The following ZNF407 variants were observed in gnomAD, a reference collection of about 807,000 sequenced individuals.
ZNF407 encodes the protein zinc finger protein 407.
In ZNF407, 17 loss-of-function variants were observed where a neutral mutation model predicts 131.2. The observed-to-expected ratio is 0.13, with a 90% CI of 0.09 to 0.19. The LOEUF is 0.19. ZNF407 is among the 10% of genes least tolerant of loss of function. ZNF407 has a pLI of 1.00. For synonymous variants in ZNF407, 1,156 were observed against 1,062.0 expected (o/e 1.09, Z -1.72); for missense variants, 2,681 against 2,830.6 (o/e 0.95, Z 1.20).
chr18:75,060,667 G>C (rs1021339837), intron 8 of ZNF407, among the ~76,000 whole-genome samples: 1 of 151,830 alleles, frequency 6.6e-6, no homozygotes, highest in Non-Finnish European at 1.5e-5. Context: ...CACCGCGCCC[G>C]GCTAATTTTT....
chr18:74,825,286 C>T (rs1970394713), intron 4 of ZNF407, among the ~76,000 whole-genome samples: 2 of 152,152 alleles, frequency 1.3e-5, no homozygotes, highest in South Asian at 2.1e-4. Flanking sequence ...CGGCACCAGA[C>T]AAGGATGCCC....
chr18:74,905,633 A>G (rs186922566), intron 7 of ZNF407: 4 of 152,372 alleles, frequency 2.6e-5, no homozygotes, highest in Admixed American at 2.6e-4. Context: ...ATCGCATAAT[A>G]AACATGAACA....
chr18:75,043,077 G>A (rs1265626325), intron 8 of ZNF407, among the ~76,000 whole-genome samples: 5 of 152,188 alleles, frequency 3.3e-5, no homozygotes, highest in African/African-American at 1.2e-4. Flanking sequence ...GATGTGGTGA[G>A]AAATTGCCAA....
At chr18:74,834,463 A>G (rs1970528232) in intron 4 of ZNF407, among the ~76,000 whole-genome samples, 1 of 152,210 alleles carries the variant, frequency 6.6e-6, no homozygotes, top group Non-Finnish European at 1.5e-5. Context: ...CATCTTTGAG[A>G]GTCTCTGTCA....
chr18:74,781,463 A>G lies in ZNF407; in HGVS notation c.4838A>G (p.His1613Arg). ...GTAATGAAGAAGCACTTAAATACTCATCTACTAGGCAAGCATGGAGTTGGC... is the reference window on the plus strand; with the variant it reads ...GTAATGAAGAAGCACTTAAATACTCGTCTACTAGGCAAGCATGGAGTTGGC... ...AFVMKKHLNT[H>R]LLGKHGVGTP... Residue 1613 changes from histidine (H) to arginine (R), a missense_variant, in exon 4 of 9, where the codon CAT becomes CGT. This residue lies in a region of ZNF407 where 213 missense variants were observed against 332.2 expected (regional missense o/e 0.64). Transcript: ENST00000299687. 6.5e-7 allele frequency: 1 copy of G among 1,545,540 alleles called. No individual in the cohort carries two copies. Among genetic ancestry groups the G allele is most frequent in the South Asian group, 1.2e-5 (1 of 80,546 alleles).
chr18:74,835,541 C>T (rs1323855637), intron 4 of ZNF407, among the ~76,000 whole-genome samples: 1 of 151,608 alleles, frequency 6.6e-6, no homozygotes, highest in Non-Finnish European at 1.5e-5. Flanking sequence ...GCTTTTAAGT[C>T]TAGGATTTTA....
Position 75,063,476 on chromosome 18 carries a change from G to C in ZNF407, c.5755G>C (p.Ala1919Pro). ...GQVIATSQSG[A>P]HVGSVVPGPI... ...GGTCATCGCCACGAGTCAGAGCGGG[G>C]CACATGTAGGCAGCGTGGTGCCCGG... Residue 1919 changes from alanine to proline, a missense_variant, in exon 9 of 9, where the codon GCA becomes CCA. By Grantham distance (27) the Ala-to-Pro change is conservative. Coordinates refer to ENST00000299687, the MANE Select transcript of ZNF407 (RefSeq NM_017757.3). This position sits in a 1 kb window ranked among gnomAD's most constrained non-coding sequence, Gnocchi z 6.6. 2 of 1,601,834 alleles carry C rather than the reference G, an allele frequency of 1.2e-6. 1 individual carries two copies. The highest frequency in any genetic ancestry group is 2.2e-5 in the South Asian group (2 of 89,394).
chr18:74,717,966 A>T (rs7234872), intron 3 of ZNF407, among the ~76,000 whole-genome samples: 12,640 of 152,170 alleles, frequency 0.083, 700 homozygotes, highest in African/African-American at 0.16. Context: ...CATCTGTTAA[A>T]TTTTATTTTA....
At chr18:74,872,482 T>C (rs1971100887) in intron 4 of ZNF407, among the ~76,000 whole-genome samples, 1 of 152,000 alleles carries the variant, frequency 6.6e-6, no homozygotes, top group African/African-American at 2.4e-5. Context: ...GGGAGATATT[T>C]TTTGGGCACG....
rs550144406 is a variant in ZNF407 at position 74,705,246 on chromosome 18, A to C, written c.4802+64124A>C. Among the ~76,000 whole-genome samples, 33 of 151,746 alleles carry C rather than the reference A, an allele frequency of 2.2e-4. 1 individual carries two copies. The highest frequency in any genetic ancestry group is 7.5e-4 in the African/African-American group (31 of 41,390). ...TAGATTTCACTTTTTGTCTGCTTCTACTTGTTGAGGTGACTGAGTAGAGAC... is the reference window on the plus strand; with the variant it reads ...TAGATTTCACTTTTTGTCTGCTTCTCCTTGTTGAGGTGACTGAGTAGAGAC... On this transcript the variant is annotated intron_variant, in intron 3 of 8. Transcript: ENST00000299687.
intron 3 of ZNF407, among the ~76,000 whole-genome samples, chr18:74,721,192 G>A (rs1379222793): frequency 1.3e-5 from 2 of 151,974 alleles, no homozygotes; most frequent in Non-Finnish European, 2.9e-5. Context: ...AGTTTTCCTT[G>A]TAGAGGTCTT....
At chr18:74,983,452 C>T (rs1451885168) in intron 8 of ZNF407, among the ~76,000 whole-genome samples, 1 of 152,088 alleles carries the variant, frequency 6.6e-6, no homozygotes, top group Admixed American at 6.6e-5. Context: ...TTGCGTATAA[C>T]AACCGTGATA....
chr18:74,644,751 T>G (rs1421638005), intron 3 of ZNF407, among the ~76,000 whole-genome samples: 2 of 152,032 alleles, frequency 1.3e-5, no homozygotes, highest in African/African-American at 4.8e-5. Flanking sequence ...TTTTCAGTGA[T>G]GTACTTAAAT....
At chr18:74,813,462 C>A (rs776248587) in intron 4 of ZNF407, among the ~76,000 whole-genome samples, 1 of 125,156 alleles carries the variant, frequency 8.0e-6, no homozygotes, top group African/African-American at 4.7e-5. Flanking sequence ...CTCTGCGTCA[C>A]CCCCTTCACC....
In ZNF407 at chr18:74,694,767, T is replaced by C. The variant is rs139105656; in HGVS notation, c.4802+53645T>C. On this transcript the variant is annotated intron_variant, in intron 3 of 8. Transcript: ENST00000299687. ...GAAAATAGTTGTTTGCTGTATTTTG[T>C]CCAGTTTTCTGGTGGCTTACAGTGG... 3.8e-3 allele frequency among the ~76,000 whole-genome samples: 582 copies of C among 152,324 alleles called. 4 individuals are homozygous for C. Among genetic ancestry groups the C allele is most frequent in the South Asian group, 7.1e-3 (34 of 4,822 alleles).
chr18:74,698,055 C>G (rs953450938), intron 3 of ZNF407, among the ~76,000 whole-genome samples: 18 of 152,250 alleles, frequency 1.2e-4, no homozygotes, highest in African/African-American at 3.8e-4. Flanking sequence ...TTGTAATGTG[C>G]AGGTCAACAG....
At chr18:74,849,894 T>G (rs1481106641) in intron 4 of ZNF407, among the ~76,000 whole-genome samples, 1 of 152,262 alleles carries the variant, frequency 6.6e-6, no homozygotes, top group African/African-American at 2.4e-5. Context: ...CAAAACATTT[T>G]GTTTTTACTG....
chr18:74,930,939 G>A (rs1599250338), intron 8 of ZNF407, among the ~76,000 whole-genome samples: 2 of 152,214 alleles, frequency 1.3e-5, no homozygotes, highest in East Asian at 3.8e-4. Context: ...TGGACTCATT[G>A]CTTCTGTGTA....
In ZNF407 at chr18:74,631,711, A is replaced by G. The variant is rs535689232; in HGVS notation, c.692A>G (p.His231Arg). 2 of 1,614,012 alleles carry G rather than the reference A, an allele frequency of 1.2e-6. No individual in the cohort carries two copies. The highest frequency in any genetic ancestry group is 2.2e-5 in the East Asian group (1 of 44,892). The change falls in exon 2 of 9, where the codon CAT becomes CGT. Residue 231 changes from histidine to arginine, a missense_variant. By Grantham distance (29) the His-to-Arg change is conservative. Transcript: ENST00000299687. ...AAAGCAGAGAGCAGCTCAGCACTAC[A>G]TATGCATATCAAACAAGCACATGGG... ...SHKAESSSAL[H>R]MHIKQAHGPQ... is the part of the protein sequence containing the mutation.
Sources: gnomAD v4.1 joint callset for allele counts (sites outside exome capture counted in the v4.1 genomes callset) on GRCh38, gnomAD v4.1.1 for gene constraint, gnomAD v4.1.1 regional missense constraint, Gnocchi (gnomAD v3.1) non-coding constraint, MANE v1.5 for transcripts, NCBI Gene and HGNC (gene_info 2026-07-23, HGNC 2026-07-21) for gene names.